The following EFNB3 variants were observed in gnomAD, a reference collection of about 807,000 sequenced individuals.
The protein encoded by EFNB3 is ephrin-B3.
Under a neutral mutation model 29.8 loss-of-function variants are expected in EFNB3, and 14 were observed. That is an observed-to-expected ratio of 0.47 (90% CI 0.31 to 0.73). The LOEUF is 0.73. EFNB3 is among the 30% of genes least tolerant of loss of function. EFNB3 has a pLI of 0.05. For synonymous variants in EFNB3, 216 were observed against 191.6 expected, an observed-to-expected ratio of 1.13 and a Z score of -1.05; for missense variants, 408 against 458.0, an observed-to-expected ratio of 0.89 and a Z score of 1.00.
At position 7,709,452 on chromosome 17, in the gene EFNB3, G is replaced by A. The variant is rs908477925; in HGVS notation, c.899G>A (p.Gly300Asp). ...PGELGIALRGGGAADPPFCPH... is the reference protein window; with the variant it reads ...PGELGIALRGDGAADPPFCPH... The stretch of plus-strand genomic sequence containing the variant: ...GAGCTAGGGATAGCTCTGCGGGGTG[G>A]CGGGGCTGCAGATCCCCCCTTCTGC... The change falls in exon 5 of 5, where the codon GGC (glycine) becomes GAC (aspartate). Residue 300 changes from glycine to aspartate, a missense_variant. Around this residue, in one of 3 missense-constraint regions of EFNB3, gnomAD observed 233 missense variants for 230.7 expected, o/e 1.01. Transcript: ENST00000226091. The surrounding 1 kb of genome is among the most constrained non-coding windows in gnomAD (Gnocchi z 4.5). The A allele has an allele frequency of 2.5e-6, 4 of 1,613,528 alleles. No homozygotes were observed. Among genetic ancestry groups the A allele is most frequent in the Admixed American group, 3.3e-5 (2 of 59,958 alleles).
intron 1 of EFNB3, among the ~76,000 whole-genome samples, chr17:7,706,611 C>T (rs556773570): frequency 5.3e-5 from 8 of 152,224 alleles, no homozygotes; most frequent in Non-Finnish European, 8.8e-5. Flanking sequence ...TTCCTACTTC[C>T]CTGGGGAGAC....
Position 7,709,538 on chromosome 17 carries a change from C to A in EFNB3, c.985C>A (p.Pro329Thr). The change falls in exon 5 of 5, where the codon CCC becomes ACC. Residue 329 changes from proline (P) to threonine (T), a missense_variant. Pro to Thr is a conservative substitution (Grantham distance 38). This residue lies in a region of EFNB3 where 233 missense variants were observed against 230.7 expected (regional missense o/e 1.01). Coordinates refer to ENST00000226091, the MANE Select transcript of EFNB3 (RefSeq NM_001406.4). This position sits in a 1 kb window ranked among gnomAD's most constrained non-coding sequence, Gnocchi z 4.5. The part of the protein sequence containing the change: ...GHPVYIVQDG[P>T]PQSPPNIYYK... ...TCCTGTGTATATCGTGCAGGATGGGCCCCCCCAGAGCCCTCCAAACATCTA... is the reference window on the plus strand; with the variant it reads ...TCCTGTGTATATCGTGCAGGATGGGACCCCCCAGAGCCCTCCAAACATCTA... The A allele has an allele frequency of 6.2e-7, 1 of 1,613,530 alleles. No individual in the cohort carries two copies.
In EFNB3 at chr17:7,708,366, AGGGTGTG is replaced by A; in HGVS notation, c.416-65_416-59del. 6.3e-7 allele frequency: 1 copy of A among 1,587,094 alleles called. No individual in the cohort carries two copies. Among genetic ancestry groups the A allele is most frequent in the Non-Finnish European group, 8.6e-7 (1 of 1,164,860 alleles). On this transcript the variant is annotated intron_variant, in intron 2 of 4. Transcript: ENST00000226091. This position sits in a 1 kb window ranked among gnomAD's most constrained non-coding sequence, Gnocchi z 6.8. ...AGTGCCCTCAGGCAGTGTTCACACC[AGGGTGTG>A]GGGCCAGAATCAGGGCTAGATTCTG...
In EFNB3 at chr17:7,709,783, G is replaced by A; in HGVS notation, c.*207G>A. 1 of 634,938 alleles carries A rather than the reference G, an allele frequency of 1.6e-6. No individual in the cohort carries two copies. The highest frequency in any genetic ancestry group is 2.8e-5 in the Admixed American group (1 of 36,302). The allele number at this position is 634,938 out of a possible 1,614,324, so 39.3% of individuals were successfully genotyped here. On this transcript the variant is annotated 3_prime_UTR_variant, in exon 5 of 5. Transcript: ENST00000226091. The surrounding 1 kb of genome is among the most constrained non-coding windows in gnomAD (Gnocchi z 4.5). ...TTCCTGCCCTCCCGTTTGGCCATGG[G>A]TGCCCCCCTCTGTCTCAGTGTCCCT...
At chr17:7,706,676 T>C (rs2074328653) in intron 1 of EFNB3, among the ~76,000 whole-genome samples, 2 of 152,218 alleles carry the variant, frequency 1.3e-5, no homozygotes, top group South Asian at 4.1e-4. Flanking sequence ...TCTTTGGTCT[T>C]AATCCTAGCT....
Position 7,709,598 on chromosome 17 carries a change from C to G in EFNB3, c.*22C>G. 6.2e-7 allele frequency: 1 copy of G among 1,613,538 alleles called. No homozygotes were observed. Among genetic ancestry groups the G allele is most frequent in the Non-Finnish European group, 8.5e-7 (1 of 1,179,872 alleles). On this transcript the variant is annotated 3_prime_UTR_variant, in exon 5 of 5. Coordinates refer to ENST00000226091, the MANE Select transcript of EFNB3 (RefSeq NM_001406.4). The surrounding 1 kb of genome is among the most constrained non-coding windows in gnomAD (Gnocchi z 4.5). ...ATGAGGGCTCCTCTCACGTGGCTAT[C>G]CTGAATCCAGCCCTTCTTGGGGTGC...
At chr17:7,706,946 C>G (rs569158771) in intron 1 of EFNB3, among the ~76,000 whole-genome samples, 2 of 152,274 alleles carry the variant, frequency 1.3e-5, no homozygotes, top group Admixed American at 1.3e-4. Flanking sequence ...AGTCACCCAC[C>G]TGCCAACTCC....
Position 7,705,387 on chromosome 17 carries a change from G to C in EFNB3, c.-212G>C. 1 of 398,298 alleles carries C rather than the reference G, an allele frequency of 2.5e-6. No individual in the cohort carries two copies. The highest frequency in any genetic ancestry group is 5.9e-5 in the South Asian group (1 of 16,902). 24.7% of individuals were successfully genotyped at this position (398,298 alleles called of 1,614,324 possible). A position where few individuals can be genotyped will look rare whatever the true frequency, so the allele number is the denominator to read the frequency against. On this transcript the variant is annotated 5_prime_UTR_variant, in exon 1 of 5. Transcript: ENST00000226091. The surrounding 1 kb of genome is among the most constrained non-coding windows in gnomAD (Gnocchi z 5.4). ...GGCGCGTGGGCCGGGGGCGCGTAGG[G>C]CGCCTGCAGACGGCCCCTGGAAGGG...
In EFNB3 at chr17:7,708,630, T is replaced by C; in HGVS notation, c.509-5T>C. 6.3e-7 allele frequency: 1 copy of C among 1,579,794 alleles called. No individual in the cohort carries two copies. Among genetic ancestry groups the C allele is most frequent in the Non-Finnish European group, 8.6e-7 (1 of 1,161,962 alleles). On this transcript the variant is annotated splice_polypyrimidine_tract_variant and splice_region_variant and intron_variant, in intron 3 of 4. Transcript: ENST00000226091. This position sits in a 1 kb window ranked among gnomAD's most constrained non-coding sequence, Gnocchi z 6.8. ...AGCCCCTCTCTGGGTCTTCCTCATC[T>C]CCAGGTCCCCGAGGAGGGGCTGTCC...
chr17:7,706,929 T>C (rs2074329392), intron 1 of EFNB3, among the ~76,000 whole-genome samples: 2 of 152,216 alleles, frequency 1.3e-5, no homozygotes, highest in Admixed American at 1.3e-4. Context: ...ATGTCTTTTC[T>C]GTACTCAGTC....
intron 1 of EFNB3, among the ~76,000 whole-genome samples, chr17:7,706,733 T>C (rs2074328884): frequency 6.6e-6 from 1 of 152,184 alleles, no homozygotes; most frequent in South Asian, 2.1e-4. Context: ...TTAACCTTTC[T>C]GAGTTTGTAT....
Position 7,709,264 on chromosome 17 carries a change from G to A in EFNB3, c.711G>A (p.Leu237=). ...AVAGAAGGLA[L]LLLGVAGAGG... ...CTGGGGCAGCAGGGGGGCTGGCGCT[G>A]CTCTTGCTGGGCGTGGCAGGGGCTG... The change falls in exon 5 of 5, where the codon CTG becomes CTA. Residue 237 remains leucine (L), a synonymous_variant. Coordinates refer to ENST00000226091, the MANE Select transcript of EFNB3 (RefSeq NM_001406.4). The surrounding 1 kb of genome is among the most constrained non-coding windows in gnomAD (Gnocchi z 4.5). 6.3e-7 allele frequency: 1 copy of A among 1,585,926 alleles called. No homozygotes were observed.
Position 7,710,872 on chromosome 17 carries a change from T to C in EFNB3, c.*1296T>C, listed in dbSNP as rs1054214638. ...TCAACAGGACTACCCCAAGAACCCA[T>C]GTGCTCTCCCGAGTAACCCAGATGG... On this transcript the variant is annotated 3_prime_UTR_variant, in exon 5 of 5. Transcript: ENST00000226091. 1.3e-5 allele frequency: 2 copies of C among 152,712 alleles called. No individual in the cohort carries two copies. Among genetic ancestry groups the C allele is most frequent in the African/African-American group, 4.8e-5 (2 of 41,458 alleles). 9.5% of individuals were successfully genotyped at this position (152,712 alleles called of 1,614,324 possible).
chr17:7,708,374 G>C lies in EFNB3; in HGVS notation c.416-61G>C, dbSNP rs1186436702. ...CAGGCAGTGTTCACACCAGGGTGTG[G>C]GGCCAGAATCAGGGCTAGATTCTGG... is the stretch of plus-strand genomic sequence containing the variant. On this transcript the variant is annotated intron_variant, in intron 2 of 4. Coordinates refer to ENST00000226091, the MANE Select transcript of EFNB3 (RefSeq NM_001406.4). This position sits in a 1 kb window ranked among gnomAD's most constrained non-coding sequence, Gnocchi z 6.8. The C allele has an allele frequency of 6.3e-7, 1 of 1,589,758 alleles. No individual in the cohort carries two copies. Among genetic ancestry groups the C allele is most frequent in the Admixed American group, 1.7e-5 (1 of 57,842 alleles).
intron 1 of EFNB3, among the ~76,000 whole-genome samples, chr17:7,707,719 G>C (rs567767972): frequency 6.6e-6 from 1 of 152,284 alleles, no homozygotes; most frequent in East Asian, 1.9e-4. Flanking sequence ...GAAGAGTGGA[G>C]TGCATTTGGG....
At chr17:7,707,664 G>A (rs184422748) in intron 1 of EFNB3, among the ~76,000 whole-genome samples, 4 of 152,194 alleles carry the variant, frequency 2.6e-5, no homozygotes, top group African/African-American at 9.7e-5. Flanking sequence ...AACGGGGCTG[G>A]TGATGGAGCG....
rs1331727148 is a variant in EFNB3, at chr17:7,709,747, C to T, written c.*171C>T. On this transcript the variant is annotated 3_prime_UTR_variant, in exon 5 of 5. Coordinates refer to ENST00000226091, the MANE Select transcript of EFNB3 (RefSeq NM_001406.4). The surrounding 1 kb of genome is among the most constrained non-coding windows in gnomAD (Gnocchi z 4.5). Reference sequence around the variant, plus strand: ...CACTTTTAGGATTCCTTAGGATTCCCACTGCCCCACTTCCTGCCCTCCCGT... The same window carrying T: ...CACTTTTAGGATTCCTTAGGATTCCTACTGCCCCACTTCCTGCCCTCCCGT... The T allele has an allele frequency of 1.9e-5, 14 of 721,342 alleles. No individual in the cohort carries two copies. The highest frequency in any genetic ancestry group is 2.8e-5 in the Non-Finnish European group (12 of 423,612). The allele number at this position is 721,342 out of a possible 1,614,324, so 44.7% of individuals were successfully genotyped here.
Position 7,710,150 on chromosome 17 carries a change from A to C in EFNB3, c.*574A>C. 5.6e-5 allele frequency: 9 copies of C among 160,000 alleles called. No individual in the cohort carries two copies. Among genetic ancestry groups the C allele is most frequent in the Non-Finnish European group, 9.4e-5 (7 of 74,552 alleles). The allele number at this position is 160,000 out of a possible 1,614,324, so 9.9% of individuals were successfully genotyped here. On this transcript the variant is annotated 3_prime_UTR_variant, in exon 5 of 5. Transcript: ENST00000226091. Reference sequence around the variant, plus strand: ...CCCCTTCTGACCTCTCATACCAACCACTCCCCTCAGTCTGCCAAAAATGGG... The same window carrying C: ...CCCCTTCTGACCTCTCATACCAACCCCTCCCCTCAGTCTGCCAAAAATGGG...
Position 7,710,287 on chromosome 17 carries a change from G to T in EFNB3, c.*711G>T. On this transcript the variant is annotated 3_prime_UTR_variant, in exon 5 of 5. Coordinates refer to ENST00000226091, the MANE Select transcript of EFNB3 (RefSeq NM_001406.4). ...CATACTTACTCCAGCCATTTGGGGTGGTTGGGTCATGACAGCTACCATGAG... is the reference window on the plus strand; with the variant it reads ...CATACTTACTCCAGCCATTTGGGGTTGTTGGGTCATGACAGCTACCATGAG... The T allele has an allele frequency of 6.5e-6, 1 of 153,936 alleles. No homozygotes were observed. Among genetic ancestry groups the T allele is most frequent in the Non-Finnish European group, 1.4e-5 (1 of 69,288 alleles). The allele number at this position is 153,936 out of a possible 1,614,324, so 9.5% of individuals were successfully genotyped here.
Sources: allele counts gnomAD v4.1 joint callset (sites outside exome capture counted in the v4.1 genomes callset), GRCh38; gene constraint gnomAD v4.1.1; regional missense constraint gnomAD v4.1.1; non-coding constraint Gnocchi (gnomAD v3.1); transcripts MANE v1.5; gene names NCBI Gene and HGNC (gene_info 2026-07-23, HGNC 2026-07-21).